The following SNX24 variants were observed in gnomAD, a reference collection of about 807,000 sequenced individuals.
The protein encoded by SNX24 is sorting nexin 24, also known as sorting nexin-24.
SNX24 carries 22 observed loss-of-function variants against 28.7 expected under a neutral mutation model. The observed-to-expected ratio is 0.77, with a 90% CI of 0.55 to 1.10. The LOEUF is 1.10. Among genes scored for constraint, SNX24 ranks in the 50% least tolerant of loss-of-function variants. SNX24 has a pLI of 0.00. For missense variants in SNX24, 221 were observed against 201.1 expected, an observed-to-expected ratio of 1.10 and a Z score of -0.60; for synonymous variants, 69 against 71.5, an observed-to-expected ratio of 0.96 and a Z score of 0.18.
chr5:123,029,043 A>T, intron 5 of SNX24: 1 of 813,784 alleles, frequency 1.2e-6, no homozygotes. Flanking sequence ...CAAAAAATAA[A>T]TATGTTATGG....
intron 6 of SNX24, among the ~76,000 whole-genome samples, chr5:123,003,411 ATT>A (rs991523088): frequency 6.6e-5 from 10 of 152,374 alleles, no homozygotes; most frequent in African/African-American, 2.2e-4. Flanking sequence ...AAAATATCAT[ATT>A]TAACAAATAT....
At chr5:122,992,245 G>T (rs1206111898) in intron 3 of SNX24, among the ~76,000 whole-genome samples, 1 of 152,102 alleles carries the variant, frequency 6.6e-6, no homozygotes, top group Non-Finnish European at 1.5e-5. Context: ...GTGGTCCCTG[G>T]ATCTGATGAA....
chr5:123,010,060 T>C (rs1398645915), downstream of SNX24, among the ~76,000 whole-genome samples: 1 of 152,170 alleles, frequency 6.6e-6, no homozygotes, highest in Admixed American at 6.5e-5. Context: ...AGGAAGCTGG[T>C]GACTGGGCCT....
intron 1 of SNX24, among the ~76,000 whole-genome samples, chr5:122,888,044 A>G (rs1756792880): frequency 6.6e-6 from 1 of 151,982 alleles, no homozygotes; most frequent in African/African-American, 2.4e-5. Flanking sequence ...GTTTCTTTTC[A>G]TGTCTACCTA....
chr5:123,001,959 G>A lies in SNX24; in HGVS notation c.397G>A (p.Val133Met). ...TTCCAGCAAACTGTCCCACCAGCCT[G>A]TGCTGCTGTTCCTCAGGGATCCATA... ...EESSKLSHQP[V>M]LLFLRDPYVL... Residue 133 changes from valine to methionine, a missense_variant, in exon 6 of 7, where the codon GTG becomes ATG. Val to Met is a conservative substitution (Grantham distance 21). Coordinates refer to ENST00000261369, the MANE Select transcript of SNX24 (RefSeq NM_014035.4). The A allele has an allele frequency of 6.2e-7, 1 of 1,614,176 alleles. No homozygotes were observed. Among genetic ancestry groups the A allele is most frequent in the Non-Finnish European group, 8.5e-7 (1 of 1,180,012 alleles).
intron 1 of SNX24, among the ~76,000 whole-genome samples, chr5:122,913,484 A>G (rs998083577): frequency 6.6e-6 from 1 of 151,084 alleles, no homozygotes; most frequent in Non-Finnish European, 1.5e-5. Flanking sequence ...TGCCTGGCGT[A>G]GACGCTCCTC....
intron 1 of SNX24, among the ~76,000 whole-genome samples, chr5:122,920,580 C>T (rs1311922324): frequency 6.6e-6 from 1 of 152,164 alleles, no homozygotes; most frequent in Non-Finnish European, 1.5e-5. Context: ...CAAAGCAATA[C>T]ACAGTTGTTA....
chr5:123,001,816 A>G, intron 5 of SNX24, 124 bp from the exon 6 acceptor site: 1 of 769,808 alleles, frequency 1.3e-6, no homozygotes, highest in Non-Finnish European at 2.3e-6. Context: ...ATTCACCCAC[A>G]CTGTTAGAAC....
intron 1 of SNX24, among the ~76,000 whole-genome samples, chr5:122,890,425 C>G (rs961562031): frequency 1.3e-5 from 2 of 151,320 alleles, no homozygotes; most frequent in African/African-American, 4.9e-5. Context: ...GATTATCTAC[C>G]TCCATCATTC....
intron 3 of SNX24, among the ~76,000 whole-genome samples, chr5:122,966,556 A>G (rs1251690376): frequency 2.0e-5 from 3 of 152,236 alleles, no homozygotes; most frequent in Admixed American, 6.5e-5. Flanking sequence ...TTTGGCTGTT[A>G]GGCTGTAATT....
intron 5 of SNX24, among the ~76,000 whole-genome samples, chr5:123,021,108 C>CT (rs953642987): frequency 6.6e-4 from 100 of 150,764 alleles, no homozygotes; most frequent in African/African-American, 2.2e-3. Context: ...CACAGTTCCC[C>CT]CCCCGTCCCC....
At chr5:123,023,082 T>A (rs928785224) in intron 5 of SNX24, among the ~76,000 whole-genome samples, 2 of 152,238 alleles carry the variant, frequency 1.3e-5, no homozygotes, top group African/African-American at 4.8e-5. Flanking sequence ...ATTATAGGCA[T>A]GAGCCACCAT....
chr5:122,859,055 G>C (rs373589355), intron 1 of SNX24, among the ~76,000 whole-genome samples: 1 of 152,072 alleles, frequency 6.6e-6, no homozygotes, highest in East Asian at 1.9e-4. Context: ...GCCTGACCTT[G>C]TCTGTTTTAA....
rs143437554 is a variant in SNX24, at chr5:122,934,128, A to G, written c.61-2606A>G. ...TGGGCTTCCTGGCTCGCAGGCCCTCAGTAAATATCTGTTGAATAAATAAAC... is the reference window on the plus strand; with the variant it reads ...TGGGCTTCCTGGCTCGCAGGCCCTCGGTAAATATCTGTTGAATAAATAAAC... On this transcript the variant is annotated intron_variant, in intron 1 of 6. Transcript: ENST00000261369. Among the ~76,000 whole-genome samples the G allele has an allele frequency of 3.9e-5, 6 of 152,204 alleles. No homozygotes were observed. In the East Asian group the frequency reaches 1.2e-3, roughly 30 times the overall value.
Position 122,903,944 on chromosome 5 carries a change from A to T in SNX24, c.61-32790A>T, listed in dbSNP as rs191307399. ...TATGTTTCAATAATTACATTAAAAG[A>T]TACATAAATATAATGCATATTAATA... On this transcript the variant is annotated intron_variant, in intron 1 of 6. Transcript: ENST00000261369. Among the ~76,000 whole-genome samples the T allele has an allele frequency of 2.6e-3, 398 of 152,322 alleles. 1 individual carries two copies. The highest frequency in any genetic ancestry group is 0.01 in the Middle Eastern group (3 of 294).
At chr5:122,904,862 G>T (rs1757583087) in intron 1 of SNX24, among the ~76,000 whole-genome samples, 1 of 152,080 alleles carries the variant, frequency 6.6e-6, no homozygotes, top group Admixed American at 6.5e-5. Context: ...CACCACTTTA[G>T]ACCCATGTGA....
intron 1 of SNX24, among the ~76,000 whole-genome samples, chr5:122,935,152 A>T (rs1022194705): frequency 6.6e-6 from 1 of 152,214 alleles, no homozygotes; most frequent in Non-Finnish European, 1.5e-5. Context: ...CATTTATTTC[A>T]TAAAGCTCAG....
intron 1 of SNX24, among the ~76,000 whole-genome samples, chr5:122,899,430 G>A (rs1201009160): frequency 6.6e-6 from 1 of 152,060 alleles, no homozygotes; most frequent in Non-Finnish European, 1.5e-5. Context: ...TATTTTTTGA[G>A]ACAGGTTAGT....
At chr5:122,887,736 C>G (rs1371517882) in intron 1 of SNX24, among the ~76,000 whole-genome samples, 1 of 152,162 alleles carries the variant, frequency 6.6e-6, no homozygotes, top group African/African-American at 2.4e-5. Flanking sequence ...GAGTTTCGCT[C>G]TTGTTGCCCA....
Sources: allele counts gnomAD v4.1 joint callset (sites outside exome capture counted in the v4.1 genomes callset), GRCh38; gene constraint gnomAD v4.1.1; transcripts MANE v1.5; gene names NCBI Gene and HGNC (gene_info 2026-07-23, HGNC 2026-07-21).